OPHN1: variants seen among roughly 807,000 people sequenced by gnomAD.
The protein encoded by OPHN1 is oligophrenin 1.
A neutral mutation model predicts 60.7 loss-of-function variants in OPHN1; 11 were observed. The observed-to-expected ratio is 0.18, with a 90% CI of 0.11 to 0.30. OPHN1 has a LOEUF of 0.30. Among genes scored for constraint, OPHN1 ranks in the 10% least tolerant of loss-of-function variants. OPHN1 has a pLI of 1.00. For missense variants in OPHN1, 449 were observed against 611.0 expected, an observed-to-expected ratio of 0.73 and a Z score of 2.80; for synonymous variants, 226 against 222.6, an observed-to-expected ratio of 1.02 and a Z score of -0.14.
intron 6 of OPHN1, among the ~76,000 whole-genome samples, chrX:68,227,272 C>A (rs1206566861): frequency 6.3e-5 from 7 of 110,772 alleles, no homozygotes; most frequent in Non-Finnish European, 1.9e-5. Context: ...CCTTAGAGAC[C>A]GAGAAAGAGA....
chrX:68,100,490 T>C (rs983188700), intron 18 of OPHN1, among the ~76,000 whole-genome samples: 1 of 111,223 alleles, frequency 9.0e-6, no homozygotes, highest in Non-Finnish European at 1.9e-5. Flanking sequence ...CAAAATAACA[T>C]GGGAGGAGGG....
intron 2 of OPHN1, among the ~76,000 whole-genome samples, chrX:68,389,989 G>T: frequency 9.0e-6 from 1 of 111,677 alleles, no homozygotes; most frequent in East Asian, 2.8e-4. Context: ...ACTTACAACA[G>T]AAGGGGAAGC....
intron 16 of OPHN1, among the ~76,000 whole-genome samples, chrX:68,118,559 TA>T (rs2057344109): frequency 8.9e-6 from 1 of 111,949 alleles, no homozygotes; most frequent in South Asian, 3.7e-4. Flanking sequence ...CTTTTGCACA[TA>T]AAGTATGATA....
chrX:68,395,774 T>C, intron 2 of OPHN1, among the ~76,000 whole-genome samples: 1 of 110,918 alleles, frequency 9.0e-6, no homozygotes, highest in Non-Finnish European at 1.9e-5. Context: ...TTTGTAGAAA[T>C]GAGGTCTTAC....
chrX:68,298,752 C>T (rs751170556), intron 3 of OPHN1, among the ~76,000 whole-genome samples: 1 of 112,074 alleles, frequency 8.9e-6, no homozygotes, highest in Admixed American at 9.5e-5. Context: ...AAGAAAAGGT[C>T]GCTTGCAGAC....
Position 68,319,406 on chromosome X carries a change from T to A in OPHN1, c.155-20310A>T, listed in dbSNP as rs764279022. 2.1e-4 allele frequency among the ~76,000 whole-genome samples: 23 copies of A among 109,693 alleles called. No homozygotes were observed. In the South Asian group the frequency reaches 9.0e-3, roughly 43 times the overall value. ...TTAGATCCTAGGCCTTGACGAAGAG[T>A]TCTTAGACATAATACCAAAATCATG... is the stretch of plus-strand genomic sequence containing the variant. On this transcript the variant is annotated intron_variant, in intron 2 of 24. Coordinates refer to ENST00000355520, the MANE Select transcript of OPHN1 (RefSeq NM_002547.3).
chrX:68,136,461 G>A (rs1397231804), intron 15 of OPHN1, among the ~76,000 whole-genome samples: 2 of 108,255 alleles, frequency 1.8e-5, no homozygotes, highest in Non-Finnish European at 3.8e-5. Context: ...CCACCACCAC[G>A]CCTGGCTAAT....
At chrX:68,159,360 T>C in intron 15 of OPHN1, among the ~76,000 whole-genome samples, 1 of 111,688 alleles carries the variant, frequency 9.0e-6, no homozygotes, top group East Asian at 2.8e-4. Context: ...TCAAAGACTA[T>C]TCCTGCAAAG....
intron 15 of OPHN1, among the ~76,000 whole-genome samples, chrX:68,166,970 G>A (rs756122497): frequency 8.9e-6 from 1 of 111,906 alleles, no homozygotes; most frequent in East Asian, 2.8e-4. Flanking sequence ...CACTGGACTG[G>A]GCAAATATTT....
intron 2 of OPHN1, among the ~76,000 whole-genome samples, chrX:68,303,787 G>A (rs1227831247): frequency 9.0e-6 from 1 of 111,174 alleles, no homozygotes; most frequent in Non-Finnish European, 1.9e-5. Flanking sequence ...ATAAGCCAGG[G>A]ACAAGAAAGA....
intron 23 of OPHN1, among the ~76,000 whole-genome samples, chrX:68,051,294 A>C (rs147614148): frequency 8.9e-6 from 1 of 111,734 alleles, no homozygotes; most frequent in Admixed American, 9.5e-5. Flanking sequence ...CTAACCAAAT[A>C]TCTCTCCAGA....
At chrX:68,210,863 G>A (rs1460569376) in intron 8 of OPHN1, among the ~76,000 whole-genome samples, 1 of 111,665 alleles carries the variant, frequency 9.0e-6, no homozygotes, top group Non-Finnish European at 1.9e-5. Flanking sequence ...GTGTTGAAAT[G>A]TGGGTATGAA....
chrX:68,142,872 G>A (rs2077249237), intron 15 of OPHN1, among the ~76,000 whole-genome samples: 1 of 111,925 alleles, frequency 8.9e-6, no homozygotes, highest in Non-Finnish European at 1.9e-5. Flanking sequence ...TTGGATGAGA[G>A]TTAGGTACTA....
At chrX:68,134,440 G>A (rs1873900544) in intron 15 of OPHN1, among the ~76,000 whole-genome samples, 1 of 111,629 alleles carries the variant, frequency 9.0e-6, no homozygotes, top group Admixed American at 9.5e-5. Context: ...AATGTGTGGT[G>A]AGAAATTAGA....
Position 68,070,895 on chromosome X carries a change from C to A in OPHN1, c.1834+2257G>T. The A allele has an allele frequency of 2.6e-6, 3 of 1,162,771 alleles. No homozygotes were observed. In the South Asian group the frequency reaches 5.4e-5, roughly 21 times the overall value. On this transcript the variant is annotated intron_variant, in intron 20 of 24. Coordinates refer to ENST00000355520, the MANE Select transcript of OPHN1 (RefSeq NM_002547.3). ...GTGGCTTGGCCAGTCTTGGCATTCT[C>A]ATCAAATTTCTCAGCAGTGACAAAG...
intron 2 of OPHN1, among the ~76,000 whole-genome samples, chrX:68,365,513 C>G (rs1483653348): frequency 9.0e-6 from 1 of 111,679 alleles, no homozygotes; most frequent in African/African-American, 3.3e-5. Context: ...TTTCCACAAA[C>G]AGCTGTGCTC....
intron 19 of OPHN1, among the ~76,000 whole-genome samples, chrX:68,078,452 A>G (rs1312487124): frequency 2.7e-5 from 3 of 112,136 alleles, no homozygotes; most frequent in Non-Finnish European, 3.8e-5. Context: ...TGAGTGGAGG[A>G]AAACAGAATA....
chrX:68,199,409 A>G (rs753126756), intron 11 of OPHN1, among the ~76,000 whole-genome samples: 1 of 111,172 alleles, frequency 9.0e-6, no homozygotes, highest in Admixed American at 9.6e-5. Flanking sequence ...GGCTCACGCA[A>G]GAGGATCACT....
intron 2 of OPHN1, among the ~76,000 whole-genome samples, chrX:68,327,791 A>T (rs1308797610): frequency 2.3e-4 from 18 of 79,922 alleles, no homozygotes; most frequent in Non-Finnish European, 2.9e-4. Flanking sequence ...TAAAAAATAA[A>T]AAAAATAAAA....
Sources: allele counts gnomAD v4.1 joint callset (sites outside exome capture counted in the v4.1 genomes callset), GRCh38; gene constraint gnomAD v4.1.1; transcripts MANE v1.5; gene names NCBI Gene and HGNC (gene_info 2026-07-23, HGNC 2026-07-21).